Variants in GTF3C1 observed in about 807,000 individuals in gnomAD.
GTF3C1 encodes general transcription factor 3C polypeptide 1.
GTF3C1 carries 57 observed loss-of-function variants against 226.7 expected under a neutral mutation model. That is an observed-to-expected ratio of 0.25 (90% confidence interval 0.20 to 0.31). The LOEUF is 0.31. Among genes scored for constraint, GTF3C1 ranks in the 10% least tolerant of loss-of-function variants. GTF3C1 has a pLI of 1.00. For missense variants in GTF3C1, 2,217 were observed against 2,776.1 expected (o/e 0.80, Z 4.53); for synonymous variants, 1,090 against 1,084.8 (o/e 1.00, Z -0.09).
intron 26 of GTF3C1, among the ~76,000 whole-genome samples, chr16:27,482,790 C>G (rs1187565226): frequency 1.3e-5 from 2 of 152,214 alleles, no homozygotes; most frequent in East Asian, 3.8e-4. Context: ...ATTTTCTTAA[C>G]AAAACAGGCC....
chr16:27,533,270 CGT>C lies in GTF3C1; in HGVS notation c.849+19_849+20del, dbSNP rs2088948782. The stretch of plus-strand genomic sequence containing the variant: ...GGTACAGATCACACCCAGCCCCGCC[CGT>C]GGGAAACCCCAGGCTCACCAGCTCT... On this transcript the variant is annotated intron_variant, in intron 5 of 36. Transcript: ENST00000356183. 3.1e-6 allele frequency: 4 copies of C among 1,305,894 alleles called. No individual in the cohort carries two copies. In the Middle Eastern group the frequency reaches 7.3e-4, roughly 238 times the overall value. The allele number at this position is 1,305,894 out of a possible 1,614,324, so 80.9% of individuals were successfully genotyped here.
intron 4 of GTF3C1, among the ~76,000 whole-genome samples, chr16:27,536,551 AATG>A (rs1464448140): frequency 6.6e-6 from 1 of 152,214 alleles, no homozygotes; most frequent in Non-Finnish European, 1.5e-5. Context: ...GAGGTGCAGC[AATG>A]ATGATTTTCA....
At chr16:27,496,850 C>A (rs2088326310) in intron 14 of GTF3C1, among the ~76,000 whole-genome samples, 1 of 152,250 alleles carries the variant, frequency 6.6e-6, no homozygotes, top group Non-Finnish European at 1.5e-5. Flanking sequence ...ACCCGAGGAA[C>A]ACCCGCGCTG....
intron 20 of GTF3C1, 120 bp from the exon 21 acceptor site, chr16:27,489,298 C>G: frequency 9.0e-7 from 1 of 1,109,588 alleles, no homozygotes; most frequent in Non-Finnish European, 1.3e-6. Context: ...AGAAAAACAC[C>G]CCACAGGTAG....
At chr16:27,549,127 C>T (rs2089224640) in intron 1 of GTF3C1, among the ~76,000 whole-genome samples, 2 of 152,202 alleles carry the variant, frequency 1.3e-5, no homozygotes, top group African/African-American at 4.8e-5. Flanking sequence ...CACTGCACTC[C>T]AGCCTGGGCC....
intron 15 of GTF3C1, 55 bp downstream of exon 15, chr16:27,495,156 G>A: frequency 1.5e-6 from 2 of 1,317,626 alleles, no homozygotes; most frequent in Non-Finnish European, 2.2e-6. Context: ...TTTCTCCCTG[G>A]ATCCTACTAC....
chr16:27,489,009 CCT>C (rs1419907177), intron 21 of GTF3C1, 32 bp downstream of exon 21: 20 of 1,602,848 alleles, frequency 1.2e-5, no homozygotes, highest in East Asian at 2.2e-5. Context: ...AGCGAGGACC[CCT>C]GAGATTGTAG....
At chr16:27,472,100 G>C (rs559615830) in intron 29 of GTF3C1, among the ~76,000 whole-genome samples, 180 bp from the exon 30 acceptor site, 1 of 152,104 alleles carries the variant, frequency 6.6e-6, no homozygotes, top group Non-Finnish European at 1.5e-5. Flanking sequence ...ATCAGGGGGA[G>C]GGGTGCTGAG....
intron 27 of GTF3C1, 137 bp from the exon 28 acceptor site, chr16:27,478,668 G>C: frequency 1.4e-6 from 1 of 728,838 alleles, no homozygotes; most frequent in Non-Finnish European, 2.5e-6. Context: ...AATGTCGAGT[G>C]CTGTGCATGT....
At chr16:27,500,955 A>C (rs191867411) in intron 12 of GTF3C1, among the ~76,000 whole-genome samples, 1 of 152,238 alleles carries the variant, frequency 6.6e-6, no homozygotes, top group African/African-American at 2.4e-5. Flanking sequence ...GGCTGACCAC[A>C]GGGCTGGATG....
intron 6 of GTF3C1, among the ~76,000 whole-genome samples, chr16:27,520,648 G>A (rs553821685): frequency 6.6e-6 from 1 of 152,320 alleles, no homozygotes; most frequent in African/African-American, 2.4e-5. Flanking sequence ...AACGCTCTTG[G>A]TATACAGCTT....
In GTF3C1 at chr16:27,476,551, G is replaced by GA; in HGVS notation, c.4260-8dup. On this transcript the variant is annotated splice_region_variant and splice_polypyrimidine_tract_variant and intron_variant, in intron 28 of 36. Transcript: ENST00000356183. ...AAAGTGGATGTCATCCACGCTGAAA[G>GA]AGAGGGGGCAGCAGGGCACCATGAG... 1 of 1,560,126 alleles carries GA rather than the reference G, an allele frequency of 6.4e-7. No homozygotes were observed.
chr16:27,508,423 T>C (rs1257706849), intron 8 of GTF3C1, 117 bp downstream of exon 8: 2 of 762,564 alleles, frequency 2.6e-6, no homozygotes, highest in Non-Finnish European at 4.5e-6. Context: ...GGGAGGCCAT[T>C]TGCCTCCTTG....
At chr16:27,491,813 C>CT (rs1303217771) in intron 19 of GTF3C1, among the ~76,000 whole-genome samples, 4 of 152,212 alleles carry the variant, frequency 2.6e-5, no homozygotes, top group African/African-American at 9.6e-5. Flanking sequence ...GTCACTGCCC[C>CT]TGCCTGGGAT....
intron 5 of GTF3C1, among the ~76,000 whole-genome samples, chr16:27,531,565 C>A (rs2088917772): frequency 6.6e-6 from 1 of 152,260 alleles, no homozygotes; most frequent in South Asian, 2.1e-4. Context: ...ACCTGTCATC[C>A]TGGCTAACTT....
chr16:27,492,627 T>A lies in GTF3C1; in HGVS notation c.2963A>T (p.Asp988Val). Reference protein sequence around the residue: ...LQFGPTEKFQDKDQVFIFLKK... With the variant: ...LQFGPTEKFQVKDQVFIFLKK... ...CTTGAGGGACATTACCTGATCTTTATCCTGAAACTTTTCCGTGGGACCAAA... is the reference window on the plus strand; with the variant it reads ...CTTGAGGGACATTACCTGATCTTTAACCTGAAACTTTTCCGTGGGACCAAA... Residue 988 changes from aspartate (D) to valine (V), a missense_variant, in exon 18 of 37, where the codon GAT (aspartate) becomes GTT (valine). Transcript: ENST00000356183. The surrounding 1 kb of genome is among the most constrained non-coding windows in gnomAD (Gnocchi z 5.0). 6.3e-7 allele frequency: 1 copy of A among 1,591,638 alleles called. No homozygotes were observed. Among genetic ancestry groups the A allele is most frequent in the Non-Finnish European group, 8.6e-7 (1 of 1,159,554 alleles).
intron 8 of GTF3C1, among the ~76,000 whole-genome samples, chr16:27,508,292 TG>T (rs2088518531): frequency 6.6e-6 from 1 of 152,252 alleles, no homozygotes; most frequent in Non-Finnish European, 1.5e-5. Context: ...ATTACAGGTG[TG>T]GGCCACCATG....
At chr16:27,502,699 C>T (rs1051693484) in intron 11 of GTF3C1, among the ~76,000 whole-genome samples, 160 bp downstream of exon 11, 1 of 151,942 alleles carries the variant, frequency 6.6e-6, no homozygotes, top group Admixed American at 6.6e-5. Flanking sequence ...TAGGGAGGAC[C>T]ATCTAAATCC....
At chr16:27,467,562 CTTA>C (rs1165574432) in intron 32 of GTF3C1, among the ~76,000 whole-genome samples, 1 of 152,178 alleles carries the variant, frequency 6.6e-6, no homozygotes, top group East Asian at 1.9e-4. Flanking sequence ...ACTTTCAAGT[CTTA>C]TTATTTAAGA....
Sources: gnomAD v4.1 joint callset for allele counts (sites outside exome capture counted in the v4.1 genomes callset) on GRCh38, gnomAD v4.1.1 for gene constraint, Gnocchi (gnomAD v3.1) non-coding constraint, MANE v1.5 for transcripts, NCBI Gene and HGNC (gene_info 2026-07-23, HGNC 2026-07-21) for gene names.